VSTM4: variants seen among roughly 807,000 people sequenced by gnomAD.
VSTM4 encodes the protein V-set and transmembrane domain containing 4, also known as V-set and transmembrane domain-containing protein 4.
VSTM4 carries 20 observed loss-of-function variants against 36.4 expected under a neutral mutation model. That is an observed-to-expected ratio of 0.55 (90% CI 0.39 to 0.80). The LOEUF (loss-of-function observed/expected upper bound fraction) is 0.80. Among genes scored for constraint, VSTM4 ranks in the 30% least tolerant of loss-of-function variants. The pLI is 0.00. For missense variants in VSTM4, 392 were observed against 404.5 expected, an observed-to-expected ratio of 0.97 and a Z score of 0.26; for synonymous variants, 182 against 173.9, an observed-to-expected ratio of 1.05 and a Z score of -0.37.
chr10:49,103,855 A>AG (rs1359963661), intron 2 of VSTM4: 36 of 1,613,812 alleles, frequency 2.2e-5, no homozygotes, highest in Non-Finnish European at 3.0e-5. Flanking sequence ...GGATGGCTGG[A>AG]GACTCCTGTT....
rs1420779263 is a variant in VSTM4 at position 49,048,549 on chromosome 10, G to A, written c.704C>T (p.Ala235Val). Reference sequence around the variant, plus strand: ...CTTGCCCTTCTTGGGCTGTAGTGGGGCCAAGCTGGTCACGCTAGTGACAGT... The same window carrying A: ...CTTGCCCTTCTTGGGCTGTAGTGGGACCAAGCTGGTCACGCTAGTGACAGT... ...GETVTSVTSL[A>V]PLQPKKGKRQ... The change falls in exon 6 of 8, where the codon GCC (alanine) becomes GTC (valine). Residue 235 changes from alanine to valine, a missense_variant. Physicochemically the swap from Ala to Val is moderately conservative, Grantham distance 64 (BLOSUM62 0). Transcript: ENST00000332853. 6 of 1,597,760 alleles carry A rather than the reference G, an allele frequency of 3.8e-6. No individual in the cohort carries two copies. The highest frequency in any genetic ancestry group is 1.8e-5 in the Admixed American group (1 of 56,758).
intron 1 of VSTM4, among the ~76,000 whole-genome samples, chr10:49,115,196 G>A (rs1191891872): frequency 3.3e-5 from 5 of 152,106 alleles, no homozygotes; most frequent in African/African-American, 1.2e-4. Flanking sequence ...CCCCAGGCGA[G>A]GTCGGGACGG....
At chr10:49,022,712 A>T (rs1843201011) in intron 7 of VSTM4, among the ~76,000 whole-genome samples, 1 of 152,154 alleles carries the variant, frequency 6.6e-6, no homozygotes, top group South Asian at 2.1e-4. Flanking sequence ...TAATGATTCC[A>T]TTTAGAAATG....
chr10:49,019,718 G>A lies in VSTM4; in HGVS notation c.895C>T (p.Arg299Trp), dbSNP rs1420463447. ...CTGGTGGGGGCGCCTTTGGCAGCCC[G>A]GTGGGGTTTGATCAGCTCCAGTTCG... Reference protein sequence around the residue: ...YAELELIKPHRAAKGAPTSTV... With the variant: ...YAELELIKPHWAAKGAPTSTV... Residue 299 changes from arginine (R) to tryptophan (W), a missense_variant, in exon 8 of 8, where the codon CGG (arginine) becomes TGG (tryptophan). Physicochemically the swap from Arg to Trp is moderately radical, Grantham distance 101. Transcript: ENST00000332853. 9.9e-6 allele frequency: 16 copies of A among 1,614,000 alleles called. 1 individual carries two copies. The highest frequency in any genetic ancestry group is 8.8e-5 in the South Asian group (8 of 91,038).
chr10:49,022,100 T>C (rs1270768205), intron 7 of VSTM4, among the ~76,000 whole-genome samples: 3 of 149,602 alleles, frequency 2.0e-5, no homozygotes, highest in Non-Finnish European at 3.0e-5. Flanking sequence ...GATTTTGTAG[T>C]AGGCATTTTT....
chr10:49,023,021 C>T (rs975211064), intron 7 of VSTM4, among the ~76,000 whole-genome samples: 9 of 152,062 alleles, frequency 5.9e-5, no homozygotes, highest in Non-Finnish European at 1.2e-4. Flanking sequence ...TAAATAATTG[C>T]ATCTAGAAAA....
At position 49,018,668 on chromosome 10, in the gene VSTM4, C is replaced by T. The variant is rs1843136560; in HGVS notation, c.*982G>A. The stretch of plus-strand genomic sequence containing the variant: ...GCAACTTCCCCATGCACCCTGACCC[C>T]CATTCAAACCCATTAGAATTCACAC... On this transcript the variant is annotated 3_prime_UTR_variant, in exon 8 of 8. Transcript: ENST00000332853. The T allele has an allele frequency of 6.6e-6, 1 of 151,926 alleles. No homozygotes were observed. The highest frequency in any genetic ancestry group is 1.5e-5 in the Non-Finnish European group (1 of 68,034). The allele number at this position is 151,926 out of a possible 1,614,324, so 9.4% of individuals were successfully genotyped here.
intron 5 of VSTM4, among the ~76,000 whole-genome samples, chr10:49,049,800 G>A (rs1251150637): frequency 5.3e-5 from 8 of 151,824 alleles, no homozygotes; most frequent in Admixed American, 3.9e-4. Context: ...CAAATGTGAG[G>A]CAAAGCACTA....
intron 4 of VSTM4, among the ~76,000 whole-genome samples, chr10:49,068,816 G>A (rs142635526): frequency 3.0e-4 from 46 of 152,276 alleles, no homozygotes; most frequent in African/African-American, 9.4e-4. Flanking sequence ...TAAAGGGTGC[G>A]TAATGGAGCC....
intron 2 of VSTM4, among the ~76,000 whole-genome samples, chr10:49,097,329 C>T (rs1208994349): frequency 6.6e-6 from 1 of 152,154 alleles, no homozygotes; most frequent in Non-Finnish European, 1.5e-5. Context: ...ATCTGTGCTT[C>T]CAGAGGCACC....
chr10:49,048,720 G>A, intron 5 of VSTM4, 136 bp from the exon 6 acceptor site: 3 of 668,406 alleles, frequency 4.5e-6, no homozygotes, highest in Non-Finnish European at 7.4e-6. Context: ...GTTATCATAT[G>A]GGTAGACTGG....
intron 7 of VSTM4, 41 bp from the exon 8 acceptor site, chr10:49,019,816 C>A: frequency 1.9e-6 from 3 of 1,591,596 alleles, no homozygotes; most frequent in Non-Finnish European, 1.7e-6. Flanking sequence ...TTCTAGCTGA[C>A]CACAGGAGCT....
intron 7 of VSTM4, among the ~76,000 whole-genome samples, chr10:49,037,264 G>A (rs1450920828): frequency 2.6e-5 from 4 of 152,220 alleles, no homozygotes; most frequent in Non-Finnish European, 4.4e-5. Context: ...CCCACCAGAG[G>A]TGCCTACTTA....
chr10:49,041,486 C>G (rs893736123), intron 7 of VSTM4, among the ~76,000 whole-genome samples: 3 of 152,300 alleles, frequency 2.0e-5, no homozygotes, highest in Admixed American at 6.5e-5. Context: ...TATGATGAGT[C>G]CCCACCCAGA....
chr10:49,017,037 C>T lies in VSTM4; in HGVS notation c.*2613G>A, dbSNP rs948380379. 1.3e-5 allele frequency: 2 copies of T among 152,248 alleles called. No individual in the cohort carries two copies. Among genetic ancestry groups the T allele is most frequent in the African/African-American group, 2.4e-5 (1 of 41,468 alleles). 9.4% of individuals were successfully genotyped at this position (152,248 alleles called of 1,614,324 possible). A position where few individuals can be genotyped will look rare whatever the true frequency, so the allele number is the denominator to read the frequency against. On this transcript the variant is annotated 3_prime_UTR_variant, in exon 8 of 8. Transcript: ENST00000332853. ...AAGCAATGGTCTATTTTGAAAATTA[C>T]TCATATGTAGTTTCTGCCATTGATG...
chr10:49,091,790 C>T (rs1844479746), intron 2 of VSTM4, among the ~76,000 whole-genome samples: 1 of 152,236 alleles, frequency 6.6e-6, no homozygotes, highest in Non-Finnish European at 1.5e-5. Flanking sequence ...TGGGAAGGCT[C>T]CATTTTTCCT....
intron 1 of VSTM4, among the ~76,000 whole-genome samples, chr10:49,113,199 T>C (rs1171233880): frequency 1.3e-5 from 2 of 152,204 alleles, no homozygotes; most frequent in Non-Finnish European, 2.9e-5. Context: ...TGAGCTTTCT[T>C]ATTAAAAGAA....
intron 2 of VSTM4, among the ~76,000 whole-genome samples, chr10:49,092,677 T>TGCCCAAATATTGCATTTCCC (rs1350069244): frequency 5.3e-5 from 8 of 152,298 alleles, no homozygotes; most frequent in Admixed American, 1.3e-4. Flanking sequence ...AGGCATTTCC[T>TGCCCAAATATTGCATTTCCC]GCCCAAATAT....
intron 3 of VSTM4, among the ~76,000 whole-genome samples, chr10:49,080,813 G>A (rs900589857): frequency 6.6e-6 from 1 of 152,228 alleles, no homozygotes; most frequent in African/African-American, 2.4e-5. Context: ...TCAGTAGGCT[G>A]GTGGGGGCAG....
Sources: allele counts gnomAD v4.1 joint callset (sites outside exome capture counted in the v4.1 genomes callset), GRCh38; gene constraint gnomAD v4.1.1; transcripts MANE v1.5; gene names NCBI Gene and HGNC (gene_info 2026-07-23, HGNC 2026-07-21).